The following LRRC4C variants were observed in gnomAD, a reference collection of about 807,000 sequenced individuals.
LRRC4C encodes the protein leucine-rich repeat-containing protein 4C.
A neutral mutation model predicts 33.6 loss-of-function variants in LRRC4C; 5 were observed. The ratio of observed to expected loss-of-function variants is 0.15; its 90% CI spans 0.08 to 0.31. The LOEUF (loss-of-function observed/expected upper bound fraction) is 0.31. Ranked by LOEUF, LRRC4C falls within the 10% of genes least tolerant of loss-of-function variation. LRRC4C has a pLI of 1.00. For synonymous variants in LRRC4C, 329 were observed against 302.0 expected (o/e 1.09, Z -0.93); for missense variants, 560 against 796.7 (o/e 0.70, Z 3.58).
At chr11:41,411,140 C>CTTTTTTTTTTTTTTTTTTTTTTTT (rs1249968357) in intron 1 of LRRC4C, among the ~76,000 whole-genome samples, 9 of 49,878 alleles carry the variant, frequency 1.8e-4, no homozygotes, top group Admixed American at 3.3e-4. Context: ...GGTTGGTACC[C>CTTTTTTTTTTTTTTTTTTTTTTTT]TATTTTTTTT....
intron 1 of LRRC4C, among the ~76,000 whole-genome samples, chr11:41,066,489 C>A (rs917663372): frequency 2.0e-5 from 3 of 152,166 alleles, no homozygotes; most frequent in African/African-American, 7.2e-5. Flanking sequence ...TTGAAAAACA[C>A]ACTTGAGGAT....
chr11:41,326,719 T>G (rs1465935604), intron 1 of LRRC4C, among the ~76,000 whole-genome samples: 1 of 152,198 alleles, frequency 6.6e-6, no homozygotes, highest in Admixed American at 6.6e-5. Context: ...GCTATGTGAA[T>G]GGGTGCACAC....
At chr11:40,462,851 G>A (rs368399497) in intron 3 of LRRC4C, among the ~76,000 whole-genome samples, 1 of 151,918 alleles carries the variant, frequency 6.6e-6, no homozygotes, top group South Asian at 2.1e-4. Context: ...AACCTCCTTA[G>A]GTTTTATCCT....
chr11:40,411,914 A>G (rs143877387), intron 3 of LRRC4C, among the ~76,000 whole-genome samples: 8 of 152,116 alleles, frequency 5.3e-5, no homozygotes, highest in African/African-American at 1.7e-4. Flanking sequence ...CAATAACCCT[A>G]TGAGATTAGT....
At chr11:40,622,885 G>A (rs1040561773) in intron 3 of LRRC4C, among the ~76,000 whole-genome samples, 1 of 151,442 alleles carries the variant, frequency 6.6e-6, no homozygotes, top group African/African-American at 2.4e-5. Flanking sequence ...TTAATAATCA[G>A]GTAACAATAA....
intron 1 of LRRC4C, among the ~76,000 whole-genome samples, chr11:41,336,164 T>G (rs1951444997): frequency 6.6e-6 from 1 of 152,058 alleles, no homozygotes; most frequent in Non-Finnish European, 1.5e-5. Context: ...AAACTCAGAA[T>G]TCATTGAAGA....
intron 1 of LRRC4C, among the ~76,000 whole-genome samples, chr11:41,322,082 C>T (rs1211986382): frequency 6.6e-6 from 1 of 151,968 alleles, no homozygotes; most frequent in Non-Finnish European, 1.5e-5. Flanking sequence ...CCAGGCTGGT[C>T]TGGAACTCCT....
At chr11:40,341,550 A>AG (rs1469935640) in intron 3 of LRRC4C, among the ~76,000 whole-genome samples, 3 of 84,226 alleles carry the variant, frequency 3.6e-5, no homozygotes, top group East Asian at 2.9e-4. Flanking sequence ...GGTGGGAGGG[A>AG]GGGGGAGGGA....
intron 3 of LRRC4C, among the ~76,000 whole-genome samples, chr11:40,528,638 G>A (rs1185867349): frequency 6.6e-6 from 1 of 151,992 alleles, no homozygotes; most frequent in Non-Finnish European, 1.5e-5. Context: ...TTAATTCTGA[G>A]TATATACCCA....
chr11:41,090,566 T>C (rs1169054594), intron 1 of LRRC4C, among the ~76,000 whole-genome samples: 1 of 152,158 alleles, frequency 6.6e-6, no homozygotes, highest in Non-Finnish European at 1.5e-5. Context: ...CTAATGCAGC[T>C]ACTTTGTCCT....
chr11:40,703,701 G>A (rs1945997745), intron 2 of LRRC4C, among the ~76,000 whole-genome samples: 1 of 152,176 alleles, frequency 6.6e-6, no homozygotes, highest in South Asian at 2.1e-4. Flanking sequence ...GCAAAAGCAA[G>A]TCCTACTAGT....
At chr11:41,059,145 C>T (rs1858862005) in intron 1 of LRRC4C, among the ~76,000 whole-genome samples, 1 of 148,352 alleles carries the variant, frequency 6.7e-6, no homozygotes, top group African/African-American at 2.5e-5. Context: ...CAGCACCAAA[C>T]CCTAATGACA....
chr11:41,444,790 C>G (rs1955766937), intron 1 of LRRC4C, among the ~76,000 whole-genome samples: 1 of 146,326 alleles, frequency 6.8e-6, no homozygotes, highest in Admixed American at 7.0e-5. Flanking sequence ...AGTATCAGGA[C>G]AGGAAGTCTA....
intron 1 of LRRC4C, among the ~76,000 whole-genome samples, chr11:41,315,549 G>A (rs888486947): frequency 1.3e-5 from 2 of 152,104 alleles, no homozygotes; most frequent in South Asian, 2.1e-4. Flanking sequence ...TGGGTAAGTC[G>A]CCTTAGAAGT....
chr11:41,320,119 G>A (rs1247921632), intron 1 of LRRC4C, among the ~76,000 whole-genome samples: 1 of 152,076 alleles, frequency 6.6e-6, no homozygotes, highest in Non-Finnish European at 1.5e-5. Context: ...TATCAATTGA[G>A]AATATAAATA....
At chr11:40,350,909 G>C (rs1306796492) in intron 3 of LRRC4C, among the ~76,000 whole-genome samples, 1 of 151,970 alleles carries the variant, frequency 6.6e-6, no homozygotes, top group Non-Finnish European at 1.5e-5. Context: ...TTGGCATGTA[G>C]ACGTGACAGA....
intron 1 of LRRC4C, among the ~76,000 whole-genome samples, chr11:41,302,763 TAA>T (rs1950321457): frequency 1.3e-5 from 2 of 152,228 alleles, no homozygotes; most frequent in African/African-American, 4.8e-5. Context: ...CCAGAGATTC[TAA>T]GTTGTTCATA....
chr11:41,051,555 G>GAAAAAAAAAAAAAAAAAAAAAAAAAAAA (rs1565337349), intron 1 of LRRC4C, among the ~76,000 whole-genome samples: 5 of 82,782 alleles, frequency 6.0e-5, no homozygotes, highest in Middle Eastern at 0.01. Context: ...AAAAAAAAAG[G>GAAAAAAAAAAAAAAAAAAAAAAAAAAAA]AAAAATTAGT....
intron 3 of LRRC4C, among the ~76,000 whole-genome samples, chr11:40,499,849 G>A (rs1954656113): frequency 6.6e-6 from 1 of 152,122 alleles, no homozygotes; most frequent in South Asian, 2.1e-4. Context: ...ATGCTTGTAA[G>A]AGTGCATCAG....
Sources: allele counts gnomAD v4.1 joint callset (sites outside exome capture counted in the v4.1 genomes callset), GRCh38; gene constraint gnomAD v4.1.1; transcripts MANE v1.5; gene names NCBI Gene and HGNC (gene_info 2026-07-23, HGNC 2026-07-21).